The following EIF2B3 variants were observed in gnomAD, a reference collection of about 807,000 sequenced individuals.
EIF2B3 encodes the protein eukaryotic translation initiation factor 2B subunit gamma, also known as translation initiation factor eIF2B subunit gamma.
In EIF2B3, 20 loss-of-function variants were observed where a neutral mutation model predicts 54.1. The observed-to-expected ratio is 0.37, with a 90% CI of 0.26 to 0.54. EIF2B3 has a LOEUF of 0.54. EIF2B3 is among the 20% of genes least tolerant of loss of function. The pLI, the probability that EIF2B3 is intolerant of heterozygous loss-of-function variation, is 0.86. For missense variants in EIF2B3, 448 were observed against 547.8 expected (o/e 0.82, Z 1.82); for synonymous variants, 153 against 188.1 (o/e 0.81, Z 1.52).
At chr1:44,869,500 TACTA>T (rs946230491) in intron 10 of EIF2B3, among the ~76,000 whole-genome samples, 21 of 150,072 alleles carry the variant, frequency 1.4e-4, no homozygotes, top group African/African-American at 4.0e-4. Context: ...GCTTTATATT[TACTA>T]ACTAATTTAG....
intron 10 of EIF2B3, among the ~76,000 whole-genome samples, chr1:44,859,695 G>A (rs1196434092): frequency 6.6e-6 from 1 of 152,060 alleles, no homozygotes; most frequent in Admixed American, 6.6e-5. Context: ...AGAAATTTAT[G>A]ACTAACCTTT....
chr1:44,874,079 G>A (rs1043685310), intron 10 of EIF2B3, among the ~76,000 whole-genome samples: 6 of 150,274 alleles, frequency 4.0e-5, no homozygotes, highest in Non-Finnish European at 7.4e-5. Context: ...TGAGTGTCAA[G>A]TTGGTGCTCA....
chr1:44,871,384 A>G (rs1471335257), intron 10 of EIF2B3, among the ~76,000 whole-genome samples: 2 of 152,174 alleles, frequency 1.3e-5, no homozygotes, highest in Non-Finnish European at 2.9e-5. Context: ...ATGTAGCCCA[A>G]ATAATCTTCC....
chr1:44,935,270 A>G (rs1355904731), intron 4 of EIF2B3, among the ~76,000 whole-genome samples: 1 of 152,246 alleles, frequency 6.6e-6, no homozygotes, highest in Admixed American at 6.5e-5. Context: ...CAGGAAAAAA[A>G]GCCCCCTAAT....
intron 10 of EIF2B3, among the ~76,000 whole-genome samples, chr1:44,858,421 C>T (rs868089336): frequency 6.6e-6 from 1 of 152,048 alleles, no homozygotes; most frequent in Non-Finnish European, 1.5e-5. Context: ...AAACAATGGG[C>T]TCCCCACACT....
chr1:44,886,791 C>T (rs998681516), intron 6 of EIF2B3, among the ~76,000 whole-genome samples: 1 of 152,102 alleles, frequency 6.6e-6, no homozygotes, highest in East Asian at 1.9e-4. Flanking sequence ...CTTTTTTTGT[C>T]TAAAAATTGT....
chr1:44,963,706 T>TA (rs1266174759), intron 3 of EIF2B3, among the ~76,000 whole-genome samples: 1 of 152,212 alleles, frequency 6.6e-6, no homozygotes, highest in Non-Finnish European at 1.5e-5. Context: ...ACCTTTCCAC[T>TA]ACTCGGGCTG....
intron 4 of EIF2B3, among the ~76,000 whole-genome samples, chr1:44,935,009 A>T (rs968535004): frequency 2.0e-5 from 3 of 152,230 alleles, no homozygotes; most frequent in Non-Finnish European, 4.4e-5. Context: ...GGTGACAGCC[A>T]AGTAAGAGTT....
intron 6 of EIF2B3, among the ~76,000 whole-genome samples, chr1:44,884,612 G>A (rs966433492): frequency 2.6e-5 from 4 of 152,162 alleles, no homozygotes; most frequent in African/African-American, 9.7e-5. Flanking sequence ...ATTTCCATGT[G>A]AATACAAAGA....
chr1:44,959,044 CT>C, intron 3 of EIF2B3: 1 of 744,784 alleles, frequency 1.3e-6, no homozygotes, highest in Non-Finnish European at 2.4e-6. Flanking sequence ...ATCTGAGAAA[CT>C]TATGGAACGC....
chr1:44,946,348 A>G (rs1034836543), intron 3 of EIF2B3, among the ~76,000 whole-genome samples: 4 of 152,126 alleles, frequency 2.6e-5, no homozygotes, highest in Admixed American at 1.3e-4. Flanking sequence ...CATCACTTCC[A>G]AAGGAAAGTG....
intron 10 of EIF2B3, among the ~76,000 whole-genome samples, chr1:44,863,930 G>A (rs1654689236): frequency 1.3e-5 from 2 of 152,062 alleles, no homozygotes; most frequent in Non-Finnish European, 2.9e-5. Context: ...GGTCACTCTT[G>A]CTCTTGGGTC....
chr1:44,933,642 T>C (rs1025558399), intron 4 of EIF2B3, among the ~76,000 whole-genome samples: 1 of 152,176 alleles, frequency 6.6e-6, no homozygotes, highest in South Asian at 2.1e-4. Flanking sequence ...TTGATAAAGA[T>C]AAAAACTAAA....
chr1:44,911,276 T>G (rs1340537498), intron 5 of EIF2B3, among the ~76,000 whole-genome samples: 1 of 152,190 alleles, frequency 6.6e-6, no homozygotes, highest in South Asian at 2.1e-4. Flanking sequence ...AACCCTTTTA[T>G]AACTACACAC....
intron 7 of EIF2B3, among the ~76,000 whole-genome samples, chr1:44,880,793 T>C (rs1253962684): frequency 6.6e-6 from 1 of 151,980 alleles, no homozygotes. Context: ...AAACCCCGTC[T>C]CTACTAAAAA....
At chr1:44,906,496 G>A (rs1185669928) in intron 5 of EIF2B3, among the ~76,000 whole-genome samples, 1 of 152,214 alleles carries the variant, frequency 6.6e-6, no homozygotes, top group East Asian at 1.9e-4. Flanking sequence ...CGCCTCTCAG[G>A]TTCAAGCGAT....
chr1:44,884,315 G>C (rs1329827165), intron 6 of EIF2B3, among the ~76,000 whole-genome samples: 1 of 152,100 alleles, frequency 6.6e-6, no homozygotes, highest in Non-Finnish European at 1.5e-5. Context: ...AGTATGGGCA[G>C]CTCTATAAAC....
chr1:44,902,426 C>T (rs968579383), intron 5 of EIF2B3, among the ~76,000 whole-genome samples: 2 of 151,880 alleles, frequency 1.3e-5, no homozygotes, highest in African/African-American at 2.4e-5. Flanking sequence ...CCCAGGAAGT[C>T]GAGGCTGCAG....
At chr1:44,937,605 C>T (rs971388744) in intron 4 of EIF2B3, among the ~76,000 whole-genome samples, 2 of 151,076 alleles carry the variant, frequency 1.3e-5, no homozygotes, top group Non-Finnish European at 3.0e-5. Context: ...TGCAGCAGAC[C>T]GGGCGCGGTG....
Sources: allele counts gnomAD v4.1 joint callset (sites outside exome capture counted in the v4.1 genomes callset), GRCh38; gene constraint gnomAD v4.1.1; transcripts MANE v1.5; gene names NCBI Gene and HGNC (gene_info 2026-07-23, HGNC 2026-07-21).